Variants in C5 observed in about 807,000 individuals in gnomAD.
C5 encodes C3 and PZP-like alpha-2-macroglobulin domain-containing protein 4.
In C5, 140 loss-of-function variants were observed where a neutral mutation model predicts 218.8. The ratio of observed to expected loss-of-function variants is 0.64; its 90% CI spans 0.56 to 0.74. The LOEUF (loss-of-function observed/expected upper bound fraction) is 0.74, where lower values mean the gene tolerates loss of function less well. Among genes scored for constraint, C5 ranks in the 30% least tolerant of loss-of-function variants. C5 has a pLI of 0.00. For synonymous variants in C5, 614 were observed against 682.3 expected, an observed-to-expected ratio of 0.90 and a Z score of 1.56; for missense variants, 1,700 against 1,969.6, an observed-to-expected ratio of 0.86 and a Z score of 2.59.
chr9:121,072,949 A>G, the C5 span, among the ~76,000 whole-genome samples: 1 of 152,176 alleles, frequency 6.6e-6, no homozygotes, highest in South Asian at 2.1e-4. Flanking sequence ...GGACAGCACC[A>G]TTCACTTAAA....
At position 120,997,704 on chromosome 9, in the gene C5, G is replaced by A; in HGVS notation, c.2633C>T (p.Thr878Ile). ...SESPVIDHQG[T>I]KSSKCVRQKV... ...CTGGCGCACACATTTGGAGGACTTT[G>A]TGCCCTGATGATCAATGACTGGGCT... The change falls in exon 21 of 41, where the codon ACA becomes ATA. Residue 878 changes from threonine to isoleucine, a missense_variant. Coordinates refer to ENST00000223642, the MANE Select transcript of C5 (RefSeq NM_001735.3). 6.2e-7 allele frequency: 1 copy of A among 1,614,164 alleles called. No homozygotes were observed. Among genetic ancestry groups the A allele is most frequent in the Non-Finnish European group, 8.5e-7 (1 of 1,180,036 alleles).
the C5 span, among the ~76,000 whole-genome samples, chr9:121,064,543 T>C: frequency 9.9e-5 from 15 of 152,240 alleles, no homozygotes; most frequent in South Asian, 4.1e-4. Context: ...TGTCATTTTA[T>C]ACTTTTTCAA....
intron 33 of C5, among the ~76,000 whole-genome samples, chr9:120,968,664 C>T (rs1316722805): frequency 6.6e-6 from 1 of 152,178 alleles, no homozygotes; most frequent in Non-Finnish European, 1.5e-5. Flanking sequence ...CAGCTGACTT[C>T]AATGTGCAGC....
At chr9:121,065,074 A>T in the C5 span, among the ~76,000 whole-genome samples, 16,885 of 150,380 alleles carry the variant, frequency 0.11, 1,217 homozygotes, top group Non-Finnish European at 0.15. Flanking sequence ...CATCTAAAAA[A>T]ATATATATAT....
At chr9:121,051,017 G>T (rs36223103), upstream of C5, among the ~76,000 whole-genome samples, 17 of 152,092 alleles carry the variant, frequency 1.1e-4, no homozygotes, top group East Asian at 2.9e-3. Context: ...ATACTTTTCA[G>T]TGAGGATTTT....
chr9:121,042,908 C>A, intron 3 of C5, 96 bp downstream of exon 3: 2 of 960,340 alleles, frequency 2.1e-6, no homozygotes, highest in Non-Finnish European at 1.6e-6. Context: ...AAAAAGAAAC[C>A]GATCTCCACT....
Position 120,961,619 on chromosome 9 carries a change from T to C in C5, c.4505-54A>G, listed in dbSNP as rs370494763. ...AGTGGTTTGATTGAAGAACAACACA[T>C]TTACTAATTGGCAAGTGTCTTACAT... On this transcript the variant is annotated intron_variant, in intron 36 of 40. Coordinates refer to ENST00000223642, the MANE Select transcript of C5 (RefSeq NM_001735.3). The C allele has an allele frequency of 1.8e-5, 20 of 1,118,162 alleles. No homozygotes were observed. The African/African-American group carries it at 2.4e-4, about 14-fold the overall frequency. The allele number at this position is 1,118,162 out of a possible 1,614,324, so 69.3% of individuals were successfully genotyped here.
chr9:121,050,107 G>T, intron 1 of C5, 75 bp downstream of exon 1: 1 of 1,171,500 alleles, frequency 8.5e-7, no homozygotes, highest in Non-Finnish European at 1.3e-6. Context: ...CAAGTTAACA[G>T]AATCTGTTAA....
chr9:121,013,483 C>T (rs994806413), intron 17 of C5, among the ~76,000 whole-genome samples: 2 of 152,094 alleles, frequency 1.3e-5, no homozygotes, highest in African/African-American at 4.8e-5. Flanking sequence ...AAATATTCTG[C>T]TTTATTTCAT....
At chr9:120,982,226 G>T (rs2046999696) in intron 26 of C5, among the ~76,000 whole-genome samples, 1 of 152,178 alleles carries the variant, frequency 6.6e-6, no homozygotes, top group Non-Finnish European at 1.5e-5. Context: ...TGACCAGGCT[G>T]GTTTTGAACT....
the C5 span, among the ~76,000 whole-genome samples, chr9:121,062,189 T>C: frequency 1.9e-4 from 29 of 152,216 alleles, no homozygotes; most frequent in Non-Finnish European, 3.4e-4. Flanking sequence ...ACAGACATAC[T>C]TTTCTTAATA....
intron 1 of C5, among the ~76,000 whole-genome samples, chr9:121,047,277 T>A (rs1034465594): frequency 1.3e-5 from 2 of 152,222 alleles, no homozygotes; most frequent in Non-Finnish European, 2.9e-5. Context: ...TCAGTTGTTA[T>A]GTGTACAGTT....
chr9:120,952,684 C>T lies in C5; in HGVS notation c.*55G>A. 1 of 1,596,064 alleles carries T rather than the reference C, an allele frequency of 6.3e-7. No homozygotes were observed. The highest frequency in any genetic ancestry group is 8.6e-7 in the Non-Finnish European group (1 of 1,168,562). ...AAAAAGAAGAAAACAAAAAAACGAA[C>T]TTCAACAACAGGAGTCCATAAGTGC... On this transcript the variant is annotated 3_prime_UTR_variant, in exon 41 of 41. Coordinates refer to ENST00000223642, the MANE Select transcript of C5 (RefSeq NM_001735.3).
intron 20 of C5, among the ~76,000 whole-genome samples, chr9:121,002,732 G>C (rs1345868297): frequency 6.6e-6 from 1 of 152,032 alleles, no homozygotes; most frequent in Non-Finnish European, 1.5e-5. Flanking sequence ...TCTGAGTTAT[G>C]ATTATCTTAA....
rs2047595196 is a variant in C5, at chr9:121,043,102, G to C, written c.323C>G (p.Ser108Ter). 3 of 1,613,044 alleles carry C rather than the reference G, an allele frequency of 1.9e-6. No homozygotes were observed. In the East Asian group the frequency reaches 6.7e-5, roughly 36 times the overall value. ...TCTTTTTGATTTTGAAAAATGCTTT[G>C]ATACAACTTCCAAATACACATAAGA... is the stretch of plus-strand genomic sequence containing the variant. ...PVSYVYLEVV[S>*]KHFSKSKRMP... Residue 108 changes from serine to a stop codon, truncating the protein, a stop_gained, in exon 3 of 41, where the codon TCA (serine) becomes TGA (stop). Coordinates refer to ENST00000223642, the MANE Select transcript of C5 (RefSeq NM_001735.3). LOFTEE classifies it high-confidence loss of function.
chr9:121,001,546 TAG>T, intron 20 of C5, among the ~76,000 whole-genome samples: 3 of 152,358 alleles, frequency 2.0e-5, no homozygotes, highest in Admixed American at 2.0e-4. Flanking sequence ...AAATATTATG[TAG>T]TTGTATTCAT....
intron 17 of C5, 121 bp from the exon 18 acceptor site, chr9:121,008,619 T>C (rs1249620450): frequency 2.6e-6 from 2 of 762,630 alleles, no homozygotes; most frequent in Non-Finnish European, 4.5e-6. Context: ...ATAAAACATT[T>C]TGTTTAATGC....
chr9:120,968,000 G>GT (rs1023628174), intron 33 of C5, among the ~76,000 whole-genome samples: 2 of 152,084 alleles, frequency 1.3e-5, no homozygotes, highest in Non-Finnish European at 2.9e-5. Flanking sequence ...TGGGATTACA[G>GT]TATGAGCCAC....
intron 10 of C5, 85 bp from the exon 11 acceptor site, chr9:121,021,779 C>G: frequency 8.5e-7 from 1 of 1,181,730 alleles, no homozygotes; most frequent in Non-Finnish European, 1.3e-6. Flanking sequence ...CCTTCCTCCC[C>G]ACCAAAGTAT....
Sources: gnomAD v4.1 joint callset for allele counts (sites outside exome capture counted in the v4.1 genomes callset) on GRCh38, gnomAD v4.1.1 for gene constraint, MANE v1.5 for transcripts, NCBI Gene and HGNC (gene_info 2026-07-23, HGNC 2026-07-21) for gene names.